The following CFAP100 variants were observed in gnomAD, a reference collection of about 807,000 sequenced individuals.
CFAP100 encodes cilia and flagella associated protein 100.
CFAP100 carries 70 observed loss-of-function variants against 81.5 expected under a neutral mutation model. That is an observed-to-expected ratio of 0.86 (90% CI 0.71 to 1.05). The LOEUF is 1.05. CFAP100 is among the 50% of genes least tolerant of loss of function. The probability of loss-of-function intolerance (pLI) is 0.00; values close to 1 mark genes in which losing one functional copy is unlikely to be tolerated. For missense variants in CFAP100, 811 were observed against 776.5 expected (o/e 1.04, Z -0.53); for synonymous variants, 341 against 314.8 (o/e 1.08, Z -0.88).
intron 13 of CFAP100, among the ~76,000 whole-genome samples, chr3:126,427,395 C>T (rs1480529541): frequency 6.6e-6 from 1 of 152,106 alleles, no homozygotes; most frequent in Non-Finnish European, 1.5e-5. Flanking sequence ...TTATGTGTAA[C>T]CTGTTGTGGA....
chr3:126,421,793 T>C (rs778883189), intron 11 of CFAP100, among the ~76,000 whole-genome samples: 6 of 152,256 alleles, frequency 3.9e-5, no homozygotes, highest in Non-Finnish European at 8.8e-5. Flanking sequence ...GGCCACGCCT[T>C]GTGGTGAAGA....
At chr3:126,431,695 T>C (rs1462575441) in intron 13 of CFAP100, among the ~76,000 whole-genome samples, 1 of 152,008 alleles carries the variant, frequency 6.6e-6, no homozygotes, top group Non-Finnish European at 1.5e-5. Context: ...TAAATTCTTC[T>C]ATCTATAAAA....
chr3:126,405,162 C>T (rs1244058652), intron 2 of CFAP100, among the ~76,000 whole-genome samples: 1 of 152,152 alleles, frequency 6.6e-6, no homozygotes, highest in Non-Finnish European at 1.5e-5. Context: ...CTAGCCCTGG[C>T]GACCACTGTT....
chr3:126,419,546 G>A, intron 8 of CFAP100, 91 bp from the exon 9 acceptor site: 6 of 1,198,596 alleles, frequency 5.0e-6, no homozygotes, highest in Admixed American at 4.0e-5. Context: ...CACAGACTTG[G>A]CCAGGATGGA....
chr3:126,400,001 C>T (rs920730276), intron 2 of CFAP100, among the ~76,000 whole-genome samples: 1 of 152,154 alleles, frequency 6.6e-6, no homozygotes, highest in African/African-American at 2.4e-5. Context: ...GCCATTGTTC[C>T]AACTCCAGGG....
rs765585207 is a variant in CFAP100, at chr3:126,420,126, T to C, written c.979T>C (p.Trp327Arg). 3.7e-6 allele frequency: 6 copies of C among 1,613,338 alleles called. No homozygotes were observed. The highest frequency in any genetic ancestry group is 5.1e-6 in the Non-Finnish European group (6 of 1,180,010). ...AGAGGGTCAGGGTACAAAGAAGCCC[T>C]GGAGGTTTCTGCAGACGATGCGGCT... ...AKEGQGTKKPWRFLQTMRLGR... is the reference protein window; with the variant it reads ...AKEGQGTKKPRRFLQTMRLGR... The change falls in exon 11 of 17, where the codon TGG (tryptophan) becomes CGG (arginine). Residue 327 changes from tryptophan (W) to arginine (R), a missense_variant. Coordinates refer to ENST00000352312, the MANE Select transcript of CFAP100 (RefSeq NM_182628.3).
intron 4 of CFAP100, among the ~76,000 whole-genome samples, chr3:126,415,779 G>C (rs1221760210): frequency 6.6e-6 from 1 of 152,072 alleles, no homozygotes; most frequent in Non-Finnish European, 1.5e-5. Flanking sequence ...GTGGGGAGGT[G>C]AGTCCTGCCT....
Position 126,433,211 on chromosome 3 carries a change from TGGG to T in CFAP100, c.1422+9_1422+11del. ...GTACAAGGGCGATCAGCAGGTAGGCTGGGGATCAAGGTGGCCAGAGGCCCAGGG... is the reference window on the plus strand; with the variant it reads ...GTACAAGGGCGATCAGCAGGTAGGCTGATCAAGGTGGCCAGAGGCCCAGGG... On this transcript the variant is annotated splice_region_variant and intron_variant, in intron 14 of 16. Transcript: ENST00000352312. The T allele has an allele frequency of 6.2e-7, 1 of 1,614,006 alleles. No homozygotes were observed. Among genetic ancestry groups the T allele is most frequent in the Non-Finnish European group, 8.5e-7 (1 of 1,179,930 alleles).
At chr3:126,414,465 T>C (rs910892824) in intron 4 of CFAP100, 1 of 614,694 alleles carries the variant, frequency 1.6e-6, no homozygotes, top group Admixed American at 2.7e-5. Flanking sequence ...TCGCCGCCAC[T>C]TCCACTGCTG....
intron 2 of CFAP100, among the ~76,000 whole-genome samples, chr3:126,396,940 C>CA (rs2082898856): frequency 6.6e-6 from 1 of 152,190 alleles, no homozygotes; most frequent in African/African-American, 2.4e-5. Context: ...AAAAGCCCCT[C>CA]ATTGTGAAAA....
intron 3 of CFAP100, among the ~76,000 whole-genome samples, chr3:126,413,845 C>T (rs141885164): frequency 2.6e-4 from 40 of 152,360 alleles, no homozygotes; most frequent in African/African-American, 9.6e-4. Context: ...GCTGTGCTCA[C>T]GAGCTCTCTT....
intron 14 of CFAP100, 61 bp from the exon 15 acceptor site, chr3:126,434,115 C>A: frequency 6.8e-7 from 1 of 1,480,392 alleles, no homozygotes; most frequent in Non-Finnish European, 9.3e-7. Context: ...CCGCTGAAGG[C>A]ACTGGCATGG....
intron 15 of CFAP100, 23 bp downstream of exon 15, chr3:126,434,404 C>T: frequency 6.2e-7 from 1 of 1,602,584 alleles, no homozygotes; most frequent in Non-Finnish European, 8.5e-7. Context: ...CTCTCCCTGC[C>T]AGCTGCTGTG....
At chr3:126,435,808 A>G (rs1000313787) in intron 16 of CFAP100, among the ~76,000 whole-genome samples, 156 bp downstream of exon 16, 1 of 152,156 alleles carries the variant, frequency 6.6e-6, no homozygotes, top group Non-Finnish European at 1.5e-5. Flanking sequence ...GGCCTCTCCC[A>G]GGACCTGCTT....
chr3:126,426,763 T>TA (rs1932962001), intron 13 of CFAP100, among the ~76,000 whole-genome samples: 1 of 151,968 alleles, frequency 6.6e-6, no homozygotes, highest in South Asian at 2.1e-4. Context: ...AATAAATAAA[T>TA]AATAAAAATT....
chr3:126,405,053 C>T (rs905386033), intron 2 of CFAP100, among the ~76,000 whole-genome samples: 5 of 152,100 alleles, frequency 3.3e-5, no homozygotes, highest in South Asian at 2.1e-4. Flanking sequence ...ATGTATGGTT[C>T]GGTGGCATTG....
At chr3:126,424,857 G>C (rs1308179221) in intron 13 of CFAP100, among the ~76,000 whole-genome samples, 3 of 152,242 alleles carry the variant, frequency 2.0e-5, no homozygotes, top group Non-Finnish European at 2.9e-5. Flanking sequence ...TGAGGAGTGG[G>C]AGGAAAGCCA....
At position 126,416,777 on chromosome 3, in the gene CFAP100, G is replaced by A. The variant is rs891394998; in HGVS notation, c.418+269G>A. ...TTCTCTTTCCTTGGCTTCAGTTGCC[G>A]GAGCTGAAAGTAGGTGAGTACAATA... On this transcript the variant is annotated intron_variant, in intron 5 of 16. Coordinates refer to ENST00000352312, the MANE Select transcript of CFAP100 (RefSeq NM_182628.3). The A allele has an allele frequency of 1.6e-5, 6 of 373,334 alleles. No homozygotes were observed. In the Admixed American group the frequency reaches 1.8e-4, roughly 11 times the overall value. The allele number at this position is 373,334 out of a possible 1,614,324, so 23.1% of individuals were successfully genotyped here. A position where few individuals can be genotyped will look rare whatever the true frequency, so the allele number is the denominator to read the frequency against.
intron 3 of CFAP100, among the ~76,000 whole-genome samples, chr3:126,411,342 G>GT (rs1239804771): frequency 1.2e-4 from 6 of 49,898 alleles, no homozygotes; most frequent in Non-Finnish European, 2.3e-4. Context: ...CTGGTCTGTA[G>GT]TTTTTTTTGT....
Sources: gnomAD v4.1 joint callset for allele counts (sites outside exome capture counted in the v4.1 genomes callset) on GRCh38, gnomAD v4.1.1 for gene constraint, MANE v1.5 for transcripts, NCBI Gene and HGNC (gene_info 2026-07-23, HGNC 2026-07-21) for gene names.